MDFIC2: variants seen among roughly 807,000 people sequenced by gnomAD.
MDFIC2 encodes myoD family inhibitor domain-containing protein 2.
intron 2 of MDFIC2, among the ~76,000 whole-genome samples, chr3:70,289,066 G>T (rs1283160396): frequency 6.6e-6 from 1 of 151,934 alleles, no homozygotes; most frequent in Admixed American, 6.6e-5. Flanking sequence ...TACATTTAAA[G>T]TTAATAGTGT....
chr3:70,215,111 G>A (rs979236149), intron 2 of MDFIC2, among the ~76,000 whole-genome samples: 3 of 151,912 alleles, frequency 2.0e-5, no homozygotes, highest in African/African-American at 4.8e-5. Context: ...TTATTCATCC[G>A]AACTATTTGA....
At chr3:70,263,051 A>G (rs2106663232) in intron 2 of MDFIC2, among the ~76,000 whole-genome samples, 1 of 152,132 alleles carries the variant, frequency 6.6e-6, no homozygotes, top group East Asian at 1.9e-4. Flanking sequence ...TTTCTAGGTA[A>G]TTCATCTCTC....
chr3:70,287,541 C>T (rs1439183192), intron 2 of MDFIC2, among the ~76,000 whole-genome samples: 6 of 151,716 alleles, frequency 4.0e-5, no homozygotes, highest in African/African-American at 9.7e-5. Context: ...TGTCTCTGCC[C>T]GGCTTTGGTA....
At chr3:70,286,272 C>T (rs1229528491) in intron 2 of MDFIC2, among the ~76,000 whole-genome samples, 2 of 152,186 alleles carry the variant, frequency 1.3e-5, no homozygotes, top group Non-Finnish European at 2.9e-5. Flanking sequence ...CAGCTTTCTA[C>T]ATATGGCTAG....
At chr3:70,267,735 G>C (rs1240042803) in intron 2 of MDFIC2, among the ~76,000 whole-genome samples, 2 of 151,968 alleles carry the variant, frequency 1.3e-5, no homozygotes, top group Non-Finnish European at 2.9e-5. Context: ...ATTTTTTAAT[G>C]GCAGCTTCAC....
intron 2 of MDFIC2, among the ~76,000 whole-genome samples, chr3:70,300,479 A>T (rs1702336709): frequency 6.6e-6 from 1 of 152,030 alleles, no homozygotes; most frequent in Non-Finnish European, 1.5e-5. Context: ...AGAGTTAGAT[A>T]TGTGTATTTT....
intron 2 of MDFIC2, among the ~76,000 whole-genome samples, chr3:70,303,667 C>T (rs1442265938): frequency 6.6e-6 from 1 of 152,058 alleles, no homozygotes; most frequent in African/African-American, 2.4e-5. Flanking sequence ...ATGTGCCACT[C>T]TTTGATAGTT....
intron 2 of MDFIC2, among the ~76,000 whole-genome samples, chr3:70,240,291 A>G (rs552246638): frequency 9.2e-5 from 14 of 151,796 alleles, no homozygotes; most frequent in East Asian, 5.8e-4. Flanking sequence ...CATCTTGGGG[A>G]AAAAAAACAG....
At chr3:70,209,340 G>T (rs1701320141) in intron 2 of MDFIC2, among the ~76,000 whole-genome samples, 1 of 152,032 alleles carries the variant, frequency 6.6e-6, no homozygotes, top group East Asian at 1.9e-4. Flanking sequence ...TCCCTTGTGG[G>T]ACAAAATCAC....
chr3:70,266,871 A>G (rs1429828848), intron 2 of MDFIC2, among the ~76,000 whole-genome samples: 4 of 152,210 alleles, frequency 2.6e-5, no homozygotes, highest in Admixed American at 6.5e-5. Flanking sequence ...GAAGTTTGGA[A>G]TCATTCGTCT....
intron 2 of MDFIC2, among the ~76,000 whole-genome samples, chr3:70,274,947 G>A (rs1702008561): frequency 6.6e-6 from 1 of 152,026 alleles, no homozygotes; most frequent in Non-Finnish European, 1.5e-5. Context: ...ATAAAAGTGG[G>A]AAATAAAATC....
intron 2 of MDFIC2, among the ~76,000 whole-genome samples, chr3:70,217,279 G>A (rs115176127): frequency 2.0e-5 from 3 of 152,220 alleles, no homozygotes; most frequent in Non-Finnish European, 4.4e-5. Flanking sequence ...TACAAACGTA[G>A]ATAGTTTCTA....
intron 2 of MDFIC2, among the ~76,000 whole-genome samples, chr3:70,210,964 A>G (rs1478454814): frequency 1.3e-5 from 2 of 152,120 alleles, no homozygotes; most frequent in African/African-American, 2.4e-5. Context: ...AGATGAATCA[A>G]TGTGACAGGA....
rs34480688 is a variant in MDFIC2, at chr3:70,245,671, TTATATATATATATATATATATATATATA to T, written c.89-38909_89-38882del. ...TTGCATAACGTTTTTGCAAACTGCT[TTATATATATATATATATATATATATATA>T]TATATATATATATATACACATTCAA... On this transcript the variant is annotated intron_variant, in intron 2 of 3. Transcript: ENST00000567252. 2.2e-3 allele frequency among the ~76,000 whole-genome samples: 128 copies of T among 57,240 alleles called. 3 individuals carry two copies. The highest frequency in any genetic ancestry group is 3.0e-3 in the Non-Finnish European group (88 of 29,272). The allele number at this position is 57,240 out of a possible 152,430, so 37.6% of individuals were successfully genotyped here.
Position 70,269,320 on chromosome 3 carries a change from C to T in MDFIC2, c.88+42566G>A, listed in dbSNP as rs549747151. On this transcript the variant is annotated intron_variant, in intron 2 of 3. Coordinates refer to ENST00000567252, the MANE Select transcript of MDFIC2 (RefSeq NM_001364677.1). ...GCTGGCTCATTATATATTTCACATT[C>T]GAGCTAAAGGTTTCTATGAATATAC... Among the ~76,000 whole-genome samples the T allele has an allele frequency of 1.1e-4, 16 of 152,226 alleles. 1 individual carries two copies. Among genetic ancestry groups the T allele is most frequent in the African/African-American group, 1.7e-4 (7 of 41,548 alleles).
chr3:70,243,433 C>T (rs181064665), intron 2 of MDFIC2, among the ~76,000 whole-genome samples: 70 of 152,284 alleles, frequency 4.6e-4, no homozygotes, highest in Admixed American at 1.4e-3. Context: ...AGCTGCACTG[C>T]TCTCTTTCTT....
intron 2 of MDFIC2, among the ~76,000 whole-genome samples, chr3:70,227,034 G>A (rs1303894032): frequency 1.3e-5 from 2 of 152,010 alleles, no homozygotes; most frequent in Admixed American, 1.3e-4. Context: ...TCTTTTTCCT[G>A]GGAAAATATA....
intron 2 of MDFIC2, among the ~76,000 whole-genome samples, chr3:70,245,290 A>T (rs1701696075): frequency 6.6e-6 from 1 of 152,078 alleles, no homozygotes; most frequent in South Asian, 2.1e-4. Context: ...GTGATATAAA[A>T]TTACTTTTGG....
intron 2 of MDFIC2, among the ~76,000 whole-genome samples, chr3:70,240,357 A>T (rs554940713): frequency 1.3e-5 from 2 of 151,782 alleles, no homozygotes; most frequent in Admixed American, 1.3e-4. Context: ...TAATCTCTCC[A>T]CTTGTGTTTG....
Sources: allele counts gnomAD v4.1 joint callset (sites outside exome capture counted in the v4.1 genomes callset), GRCh38; gene constraint gnomAD v4.1.1; transcripts MANE v1.5; gene names NCBI Gene and HGNC (gene_info 2026-07-23, HGNC 2026-07-21).